The following MERTK variants were observed in gnomAD, a reference collection of about 807,000 sequenced individuals.
The protein encoded by MERTK is tyrosine-protein kinase Mer.
MERTK carries 69 observed loss-of-function variants against 99.3 expected under a neutral mutation model. That is an observed-to-expected ratio of 0.70 (90% CI 0.57 to 0.85). The LOEUF (loss-of-function observed/expected upper bound fraction) is 0.85. Ranked by LOEUF, MERTK falls within the 40% of genes least tolerant of loss-of-function variation. The pLI, the probability that MERTK is intolerant of heterozygous loss-of-function variation, is 0.00. For synonymous variants in MERTK, 426 were observed against 467.6 expected, an observed-to-expected ratio of 0.91 and a Z score of 1.15; for missense variants, 1,125 against 1,249.4, an observed-to-expected ratio of 0.90 and a Z score of 1.50.
intron 3 of MERTK, among the ~76,000 whole-genome samples, chr2:111,946,786 A>ATC (rs1684968295): frequency 6.6e-6 from 1 of 152,216 alleles, no homozygotes; most frequent in African/African-American, 2.4e-5. Context: ...GCAACACCTG[A>ATC]TGTAAGAACT....
intron 1 of MERTK, among the ~76,000 whole-genome samples, chr2:111,921,130 G>C (rs1363834192): frequency 1.3e-5 from 2 of 152,142 alleles, no homozygotes; most frequent in South Asian, 4.1e-4. Flanking sequence ...ATATCAGCCT[G>C]GTGTGTGCAC....
At chr2:111,990,338 C>T (rs1340151739) in intron 8 of MERTK, among the ~76,000 whole-genome samples, 1 of 152,140 alleles carries the variant, frequency 6.6e-6, no homozygotes, top group Non-Finnish European at 1.5e-5. Flanking sequence ...ACTATGGCAA[C>T]ATTTATTATA....
intron 1 of MERTK, among the ~76,000 whole-genome samples, chr2:111,901,627 C>T (rs1214840913): frequency 6.8e-6 from 1 of 148,002 alleles, no homozygotes; most frequent in East Asian, 2.0e-4. Flanking sequence ...ACCATCACGG[C>T]TCACTGCAAC....
At chr2:111,913,067 G>T (rs1206297679) in intron 1 of MERTK, 2 of 985,292 alleles carry the variant, frequency 2.0e-6, no homozygotes, top group African/African-American at 3.5e-5. Flanking sequence ...AAGTTTCTGT[G>T]TGGGTTGATA....
chr2:111,911,892 T>G (rs1278528866), intron 1 of MERTK, among the ~76,000 whole-genome samples: 1 of 151,838 alleles, frequency 6.6e-6, no homozygotes, highest in Non-Finnish European at 1.5e-5. Flanking sequence ...TTTTGCCACA[T>G]TGTCGAGGCT....
At chr2:112,008,927 T>C (rs1573637640) in intron 14 of MERTK, 1 of 256,634 alleles carries the variant, frequency 3.9e-6, no homozygotes, top group South Asian at 4.5e-5. Context: ...CATGATACAT[T>C]GATGATTTCA....
intron 2 of MERTK, among the ~76,000 whole-genome samples, chr2:111,936,506 G>T (rs567880176): frequency 2.0e-5 from 3 of 152,136 alleles, no homozygotes; most frequent in Non-Finnish European, 4.4e-5. Flanking sequence ...TCCTAGCCTA[G>T]GTGCCCTCTT....
intron 2 of MERTK, among the ~76,000 whole-genome samples, chr2:111,931,810 C>G (rs1684677563): frequency 6.6e-6 from 1 of 152,178 alleles, no homozygotes; most frequent in African/African-American, 2.4e-5. Flanking sequence ...TGCTGTCTCT[C>G]TGGACTTGGC....
chr2:112,023,849 G>A (rs1486955317), intron 18 of MERTK, among the ~76,000 whole-genome samples: 1 of 151,498 alleles, frequency 6.6e-6, no homozygotes, highest in Non-Finnish European at 1.5e-5. Flanking sequence ...TGCCATGCCT[G>A]GGCTGGGACA....
chr2:112,015,955 GTACC>G, intron 15 of MERTK: 1 of 32,470 alleles, frequency 3.1e-5, no homozygotes, highest in Admixed American at 3.7e-4. Flanking sequence ...AGTTGCTCTT[GTACC>G]TTTGTCTAAA....
At chr2:112,015,294 G>A (rs1677195032) in intron 15 of MERTK, among the ~76,000 whole-genome samples, 3 of 152,200 alleles carry the variant, frequency 2.0e-5, no homozygotes, top group Non-Finnish European at 4.4e-5. Flanking sequence ...CCAGCAGTGT[G>A]TGAGAAATGC....
intron 14 of MERTK, 93 bp downstream of exon 14, chr2:112,008,568 C>A: frequency 2.2e-6 from 2 of 910,692 alleles, no homozygotes; most frequent in Non-Finnish European, 3.7e-6. Context: ...GATAAGTTTA[C>A]ACTTCGTATA....
At chr2:111,953,672 T>C (rs1685096435) in intron 4 of MERTK, among the ~76,000 whole-genome samples, 1 of 152,002 alleles carries the variant, frequency 6.6e-6, no homozygotes, top group African/African-American at 2.4e-5. Flanking sequence ...GCCTCCAGGG[T>C]TCAAGTGATT....
intron 2 of MERTK, 58 bp downstream of exon 2, chr2:111,929,598 A>ATTTATTTATTTATTTATTTATTTT (rs1684632862): frequency 7.9e-7 from 1 of 1,273,212 alleles, no homozygotes; most frequent in African/African-American, 1.5e-5. Context: ...TTATTTATTT[A>ATTTATTTATTTATTTATTTATTTT]CTTATTGAGA....
chr2:111,915,067 A>C (rs546563641), intron 1 of MERTK, among the ~76,000 whole-genome samples: 1 of 152,332 alleles, frequency 6.6e-6, no homozygotes, highest in East Asian at 1.9e-4. Flanking sequence ...CAATTTCCTT[A>C]ATAGTTATAG....
At chr2:111,956,781 C>T (rs1478444505) in intron 4 of MERTK, among the ~76,000 whole-genome samples, 7 of 151,478 alleles carry the variant, frequency 4.6e-5, no homozygotes, top group African/African-American at 9.7e-5. Flanking sequence ...CCTACCTCAG[C>T]GCCCCAAGTA....
At chr2:111,960,000 T>A (rs919199018) in intron 4 of MERTK, among the ~76,000 whole-genome samples, 1 of 152,172 alleles carries the variant, frequency 6.6e-6, no homozygotes, top group Non-Finnish European at 1.5e-5. Context: ...TTTTGGAAAA[T>A]TCCATCATAT....
intron 9 of MERTK, chr2:111,997,118 A>G: frequency 2.7e-6 from 2 of 740,698 alleles, no homozygotes; most frequent in South Asian, 2.8e-5. Flanking sequence ...TATGTTATGG[A>G]ATGAGTAAAT....
intron 4 of MERTK, among the ~76,000 whole-genome samples, chr2:111,964,413 G>A (rs1227204928): frequency 4.0e-5 from 6 of 151,706 alleles, no homozygotes; most frequent in Middle Eastern, 3.2e-3. Flanking sequence ...GCGCGCACGC[G>A]CATGTGTGTG....
Sources: allele counts gnomAD v4.1 joint callset (sites outside exome capture counted in the v4.1 genomes callset), GRCh38; gene constraint gnomAD v4.1.1; transcripts MANE v1.5; gene names NCBI Gene and HGNC (gene_info 2026-07-23, HGNC 2026-07-21).